Variants in LRRC4C observed in about 807,000 individuals in gnomAD.
LRRC4C encodes leucine rich repeat containing 4C, also known as leucine-rich repeat-containing protein 4C.
In LRRC4C, 5 loss-of-function variants were observed where a neutral mutation model predicts 33.6. That is an observed-to-expected ratio of 0.15 (90% CI 0.08 to 0.31). The LOEUF is 0.31. Ranked by LOEUF, LRRC4C falls within the 10% of genes least tolerant of loss-of-function variation. The pLI is 1.00. For synonymous variants in LRRC4C, 329 were observed against 302.0 expected, an observed-to-expected ratio of 1.09 and a Z score of -0.93; for missense variants, 560 against 796.7, an observed-to-expected ratio of 0.70 and a Z score of 3.58.
chr11:40,756,894 T>G (rs977760178), intron 2 of LRRC4C, among the ~76,000 whole-genome samples: 6 of 151,940 alleles, frequency 3.9e-5, no homozygotes, highest in African/African-American at 1.4e-4. Flanking sequence ...CTGTCAGACT[T>G]TTTTTTTTCA....
rs544506459 is a variant in LRRC4C, at chr11:40,818,176, A to G, written c.-407+115459T>C. Among the ~76,000 whole-genome samples, 5 of 152,172 alleles carry G rather than the reference A, an allele frequency of 3.3e-5. No homozygotes were observed. In the South Asian group the frequency reaches 8.3e-4, roughly 25 times the overall value. Reference sequence around the variant, plus strand: ...CCTATATTGTTTATATTCTAGCACTATCTTACTTAGGAAACCAAGGTTAAG... The same window carrying G: ...CCTATATTGTTTATATTCTAGCACTGTCTTACTTAGGAAACCAAGGTTAAG... On this transcript the variant is annotated intron_variant, in intron 2 of 6. Transcript: ENST00000528697.
intron 1 of LRRC4C, among the ~76,000 whole-genome samples, chr11:41,363,815 G>A (rs1952440371): frequency 6.6e-6 from 1 of 152,070 alleles, no homozygotes; most frequent in African/African-American, 2.4e-5. Flanking sequence ...GGCTGTACAG[G>A]TGCTATCTAT....
intron 2 of LRRC4C, among the ~76,000 whole-genome samples, chr11:40,676,398 A>G (rs1174122364): frequency 1.3e-5 from 2 of 152,126 alleles, no homozygotes; most frequent in Non-Finnish European, 2.9e-5. Context: ...TTAACCTCCT[A>G]CACTGTAGGA....
intron 1 of LRRC4C, among the ~76,000 whole-genome samples, chr11:41,269,438 C>T (rs1324672297): frequency 6.6e-6 from 1 of 151,706 alleles, no homozygotes; most frequent in Non-Finnish European, 1.5e-5. Flanking sequence ...ACAAAAAGGA[C>T]AGAGAGAGAG....
intron 1 of LRRC4C, among the ~76,000 whole-genome samples, chr11:41,226,666 C>T (rs1239326117): frequency 6.6e-6 from 1 of 151,366 alleles, no homozygotes; most frequent in South Asian, 2.1e-4. Flanking sequence ...AGTGCTCTAC[C>T]TTTGTTCCTG....
At chr11:40,791,649 A>G (rs747050514) in intron 2 of LRRC4C, among the ~76,000 whole-genome samples, 23 of 152,318 alleles carry the variant, frequency 1.5e-4, no homozygotes, top group Non-Finnish European at 2.6e-4. Context: ...TATATGAAAC[A>G]TGCCTGAATT....
chr11:40,118,750 A>G (rs72885374), intron 6 of LRRC4C, among the ~76,000 whole-genome samples: 4,478 of 152,234 alleles, frequency 0.029, 89 homozygotes, highest in Middle Eastern at 0.034. Context: ...AGCTGGAATA[A>G]GATCGGGTAA....
At chr11:41,231,303 A>G (rs1947782602) in intron 1 of LRRC4C, among the ~76,000 whole-genome samples, 1 of 152,134 alleles carries the variant, frequency 6.6e-6, no homozygotes, top group African/African-American at 2.4e-5. Context: ...TGCTATAAAG[A>G]CACATACACA....
At chr11:40,654,926 T>A (rs1472672967) in intron 2 of LRRC4C, among the ~76,000 whole-genome samples, 2 of 152,148 alleles carry the variant, frequency 1.3e-5, no homozygotes, top group Non-Finnish European at 1.5e-5. Context: ...GATCTGATGG[T>A]TTTTTAAGTG....
chr11:41,228,873 C>A (rs1311239843), intron 1 of LRRC4C, among the ~76,000 whole-genome samples: 1 of 152,114 alleles, frequency 6.6e-6, no homozygotes, highest in Non-Finnish European at 1.5e-5. Flanking sequence ...AATCTTACAG[C>A]TTATAGCTCC....
At chr11:40,815,294 T>C (rs1179549232) in intron 2 of LRRC4C, among the ~76,000 whole-genome samples, 2 of 152,134 alleles carry the variant, frequency 1.3e-5, no homozygotes, top group Non-Finnish European at 2.9e-5. Flanking sequence ...TTCACTATCG[T>C]AAGAACAGCA....
At chr11:41,235,160 G>A (rs946154062) in intron 1 of LRRC4C, among the ~76,000 whole-genome samples, 1 of 151,958 alleles carries the variant, frequency 6.6e-6, no homozygotes, top group Non-Finnish European at 1.5e-5. Flanking sequence ...TGGGGTAGGT[G>A]GGTCAATTTC....
At chr11:40,255,265 T>C (rs894582671) in intron 4 of LRRC4C, among the ~76,000 whole-genome samples, 3 of 152,106 alleles carry the variant, frequency 2.0e-5, no homozygotes, top group African/African-American at 7.2e-5. Context: ...CAGTCTGGGA[T>C]GTGCCACAAA....
intron 3 of LRRC4C, among the ~76,000 whole-genome samples, chr11:40,642,066 G>A (rs1268124451): frequency 7.1e-6 from 1 of 140,516 alleles, no homozygotes; most frequent in Admixed American, 7.3e-5. Flanking sequence ...GTTTTTGCTT[G>A]TGTGTCATGG....
At chr11:40,663,750 A>G (rs980736997) in intron 2 of LRRC4C, among the ~76,000 whole-genome samples, 5 of 152,200 alleles carry the variant, frequency 3.3e-5, no homozygotes, top group Non-Finnish European at 5.9e-5. Context: ...TGTACCTAAT[A>G]ACAATACTAT....
At chr11:40,495,847 T>TTTTTTTTTTTTTTTTTTTG (rs1954421886) in intron 3 of LRRC4C, among the ~76,000 whole-genome samples, 1 of 118,496 alleles carries the variant, frequency 8.4e-6, no homozygotes, top group African/African-American at 3.1e-5. Flanking sequence ...TTTTTTTTTT[T>TTTTTTTTTTTTTTTTTTTG]TTGAGAGAGT....
At chr11:40,523,120 A>G (rs1043950345) in intron 3 of LRRC4C, among the ~76,000 whole-genome samples, 5 of 152,166 alleles carry the variant, frequency 3.3e-5, no homozygotes, top group African/African-American at 1.2e-4. Flanking sequence ...AAATCACCAT[A>G]TTGTTTTAAC....
At chr11:41,091,947 T>C (rs1940450802) in intron 1 of LRRC4C, among the ~76,000 whole-genome samples, 2 of 152,070 alleles carry the variant, frequency 1.3e-5, no homozygotes, top group African/African-American at 4.8e-5. Context: ...ATATTGCCTA[T>C]AAGGAATTAT....
intron 3 of LRRC4C, among the ~76,000 whole-genome samples, chr11:40,624,686 A>G (rs533781597): frequency 1.1e-3 from 160 of 152,286 alleles, no homozygotes; most frequent in Middle Eastern, 3.4e-3. Flanking sequence ...TTGTCTTACA[A>G]CAAGTTATGT....
Sources: allele counts gnomAD v4.1 joint callset (sites outside exome capture counted in the v4.1 genomes callset), GRCh38; gene constraint gnomAD v4.1.1; transcripts MANE v1.5; gene names NCBI Gene and HGNC (gene_info 2026-07-23, HGNC 2026-07-21).